Variants in SAMD12 observed in about 807,000 individuals in gnomAD.
SAMD12 encodes sterile alpha motif domain containing 12.
A neutral mutation model predicts 15.0 loss-of-function variants in SAMD12; 9 were observed. The observed-to-expected ratio is 0.60, with a 90% CI of 0.36 to 1.05. The LOEUF (loss-of-function observed/expected upper bound fraction) is 1.05, where lower values mean the gene tolerates loss of function less well. Among genes scored for constraint, SAMD12 ranks in the 50% least tolerant of loss-of-function variants. The pLI, the probability that SAMD12 is intolerant of heterozygous loss-of-function variation, is 0.01. For missense variants in SAMD12, 230 were observed against 234.2 expected (o/e 0.98, Z 0.12); for synonymous variants, 86 against 90.1 (o/e 0.96, Z 0.25).
At chr8:118,247,359 G>C (rs565520516) in intron 4 of SAMD12, among the ~76,000 whole-genome samples, 1 of 152,116 alleles carries the variant, frequency 6.6e-6, no homozygotes, top group Non-Finnish European at 1.5e-5. Context: ...ACAGCATAGT[G>C]ACTATAGTTA....
chr8:118,148,321 C>G, the SAMD12 span, among the ~76,000 whole-genome samples: 1 of 151,972 alleles, frequency 6.6e-6, no homozygotes, highest in Non-Finnish European at 1.5e-5. Context: ...GCCTCAGCCT[C>G]AACATTATTT....
intron 4 of SAMD12, among the ~76,000 whole-genome samples, chr8:118,304,177 A>G (rs929974772): frequency 1.3e-5 from 2 of 152,124 alleles, no homozygotes; most frequent in African/African-American, 4.8e-5. Context: ...TTCTTCCTGA[A>G]TTTTTTATTT....
At chr8:118,320,417 T>C (rs1008426544) in intron 4 of SAMD12, among the ~76,000 whole-genome samples, 6 of 152,294 alleles carry the variant, frequency 3.9e-5, no homozygotes, top group Non-Finnish European at 7.4e-5. Flanking sequence ...TGGCAGTCTG[T>C]TGAACCCTCT....
chr8:118,330,488 G>T (rs1337167872), intron 4 of SAMD12, among the ~76,000 whole-genome samples: 1 of 152,158 alleles, frequency 6.6e-6, no homozygotes, highest in Non-Finnish European at 1.5e-5. Flanking sequence ...AATGAAGAAA[G>T]TTCCTCAACA....
At chr8:118,367,408 C>T (rs184681777) in intron 4 of SAMD12, among the ~76,000 whole-genome samples, 1 of 152,332 alleles carries the variant, frequency 6.6e-6, no homozygotes, top group Admixed American at 6.5e-5. Flanking sequence ...AGGGTCTATA[C>T]TTATCCTCAA....
intron 1 of SAMD12, among the ~76,000 whole-genome samples, chr8:118,600,531 G>A (rs1339399550): frequency 1.3e-5 from 2 of 152,160 alleles, no homozygotes; most frequent in East Asian, 1.9e-4. Flanking sequence ...CAGCAGTGCA[G>A]ACAAGATCAT....
chr8:118,204,347 C>T (rs1037495122), intron 4 of SAMD12, among the ~76,000 whole-genome samples: 1 of 152,098 alleles, frequency 6.6e-6, no homozygotes, highest in Non-Finnish European at 1.5e-5. Flanking sequence ...CCCATGTCTG[C>T]CACTCTCTGC....
At chr8:118,580,679 T>G (rs16891213) in intron 2 of SAMD12, 36 bp downstream of exon 2, 135,048 of 1,535,454 alleles carry the variant, frequency 0.088, 6,787 homozygotes, top group Non-Finnish European at 0.1. Flanking sequence ...AGGCTGCAGC[T>G]TTCAAATCTC....
chr8:118,403,153 T>C (rs1820951669), intron 3 of SAMD12, among the ~76,000 whole-genome samples: 1 of 152,238 alleles, frequency 6.6e-6, no homozygotes, highest in Non-Finnish European at 1.5e-5. Flanking sequence ...TGCATCTTCA[T>C]GACAGCCTTG....
chr8:118,190,327 T>C (rs1435602189), exon 5 of SAMD12: 1 of 152,208 alleles, frequency 6.6e-6, no homozygotes, highest in African/African-American at 2.4e-5. Context: ...TTGATGTGGC[T>C]GTCTGCTTCC....
chr8:118,280,636 C>G (rs184407047), intron 4 of SAMD12, among the ~76,000 whole-genome samples: 1 of 152,116 alleles, frequency 6.6e-6, no homozygotes, highest in Admixed American at 6.6e-5. Flanking sequence ...CAAAAGCAAG[C>G]TCCAGGCAGC....
chr8:118,199,371 C>T (rs963531689), intron 4 of SAMD12, among the ~76,000 whole-genome samples: 1 of 152,128 alleles, frequency 6.6e-6, no homozygotes, highest in African/African-American at 2.4e-5. Context: ...TGCGTAAGAT[C>T]CTATCCAGGT....
intron 2 of SAMD12, among the ~76,000 whole-genome samples, chr8:118,440,612 C>CTT (rs35211953): frequency 3.4e-5 from 5 of 148,122 alleles, no homozygotes; most frequent in Admixed American, 1.3e-4. Context: ...TAGTCAAGGT[C>CTT]TTTTTTTTGT....
intron 4 of SAMD12, among the ~76,000 whole-genome samples, chr8:118,233,140 T>C (rs761860158): frequency 2.0e-5 from 3 of 152,188 alleles, no homozygotes; most frequent in Non-Finnish European, 2.9e-5. Context: ...AGTCTCAATG[T>C]ATTTGTCTTG....
intron 4 of SAMD12, among the ~76,000 whole-genome samples, chr8:118,292,913 A>C: frequency 1.5e-5 from 1 of 66,916 alleles, no homozygotes; most frequent in East Asian, 5.1e-4. Context: ...GGGTGGGGGG[A>C]GGGGGGAGGG....
chr8:118,204,550 C>T (rs550989436), intron 4 of SAMD12, among the ~76,000 whole-genome samples: 1 of 152,206 alleles, frequency 6.6e-6, no homozygotes, highest in African/African-American at 2.4e-5. Flanking sequence ...GTCAGAAGAT[C>T]GACACCATCC....
At chr8:118,168,607 C>T in the SAMD12 span, among the ~76,000 whole-genome samples, 4 of 152,140 alleles carry the variant, frequency 2.6e-5, no homozygotes, top group Non-Finnish European at 4.4e-5. Context: ...GCAAACAGGC[C>T]TCTGGCTTGT....
At chr8:118,566,732 A>AG (rs1456091406) in intron 2 of SAMD12, among the ~76,000 whole-genome samples, 8 of 152,166 alleles carry the variant, frequency 5.3e-5, no homozygotes, top group South Asian at 2.1e-4. Flanking sequence ...TGTTCATCCA[A>AG]GGGGGGCAGC....
At chr8:118,277,983 G>A (rs1813513101) in intron 4 of SAMD12, among the ~76,000 whole-genome samples, 3 of 152,288 alleles carry the variant, frequency 2.0e-5, no homozygotes, top group Non-Finnish European at 4.4e-5. Context: ...CTGCTAATTG[G>A]TAGCACACAT....
Sources: allele counts gnomAD v4.1 joint callset (sites outside exome capture counted in the v4.1 genomes callset), GRCh38; gene constraint gnomAD v4.1.1; transcripts MANE v1.5; gene names NCBI Gene and HGNC (gene_info 2026-07-23, HGNC 2026-07-21).